CDH13: variants seen among roughly 807,000 people sequenced by gnomAD.
CDH13 encodes the protein cadherin 13, also known as cadherin-13.
A neutral mutation model predicts 63.8 loss-of-function variants in CDH13; 24 were observed. That is an observed-to-expected ratio of 0.38 (90% CI 0.27 to 0.53). The LOEUF (loss-of-function observed/expected upper bound fraction) is 0.53, where lower values mean the gene tolerates loss of function less well. CDH13 is among the 20% of genes least tolerant of loss of function. CDH13 has a pLI of 0.85. For synonymous variants in CDH13, 503 were observed against 355.3 expected (o/e 1.42, Z -4.67); for missense variants, 1,049 against 903.1 (o/e 1.16, Z -2.07).
chr16:83,239,341 G>A (rs1450590170), intron 5 of CDH13, among the ~76,000 whole-genome samples: 1 of 152,182 alleles, frequency 6.6e-6, no homozygotes, highest in East Asian at 1.9e-4. Context: ...GGTGCGTGAG[G>A]AGAGAGGGGA....
chr16:82,905,456 T>C (rs1358773473), intron 2 of CDH13, among the ~76,000 whole-genome samples: 1 of 147,266 alleles, frequency 6.8e-6, no homozygotes, highest in Non-Finnish European at 1.5e-5. Context: ...TGTGTGTGTG[T>C]GTGTGTGTGT....
chr16:83,505,481 C>A lies in CDH13; in HGVS notation c.960+18826C>A, dbSNP rs114734520. ...CCAAAGGGAACACATTTAGTAAACT[C>A]TGCCAAAGGAGCACAGTTCTTGTAA... is the stretch of plus-strand genomic sequence containing the variant. On this transcript the variant is annotated intron_variant, in intron 7 of 13. Transcript: ENST00000567109. 4.0e-3 allele frequency among the ~76,000 whole-genome samples: 599 copies of A among 151,074 alleles called. 4 individuals are homozygous for A. The highest frequency in any genetic ancestry group is 0.014 in the African/African-American group (577 of 41,074).
intron 8 of CDH13, among the ~76,000 whole-genome samples, chr16:83,668,781 C>T (rs1205793031): frequency 2.6e-5 from 4 of 152,182 alleles, no homozygotes; most frequent in Admixed American, 2.6e-4. Context: ...CTTCTCTGTG[C>T]AATCATCTTC....
intron 6 of CDH13, among the ~76,000 whole-genome samples, chr16:83,348,811 T>C (rs375525727): frequency 2.0e-5 from 3 of 152,326 alleles, no homozygotes; most frequent in East Asian, 1.9e-4. Flanking sequence ...TGAGACAACA[T>C]GCTTCACCCA....
intron 3 of CDH13, among the ~76,000 whole-genome samples, chr16:83,034,037 A>G (rs4387590): frequency 2.2e-4 from 34 of 152,238 alleles, no homozygotes; most frequent in African/African-American, 7.5e-4. Flanking sequence ...ACAACTGGCA[A>G]TGTGAGAGTT....
At chr16:82,669,323 C>A (rs1942950031) in intron 1 of CDH13, among the ~76,000 whole-genome samples, 1 of 152,174 alleles carries the variant, frequency 6.6e-6, no homozygotes, top group African/African-American at 2.4e-5. Context: ...ATTTAACGCC[C>A]AGGAGATTAT....
chr16:83,275,821 C>T (rs1324565467), intron 5 of CDH13, among the ~76,000 whole-genome samples: 4 of 152,140 alleles, frequency 2.6e-5, no homozygotes, highest in Non-Finnish European at 5.9e-5. Flanking sequence ...CAGTGGGTAG[C>T]GGTGCAGGGA....
chr16:83,446,419 C>G (rs2072691059), intron 6 of CDH13, among the ~76,000 whole-genome samples: 2 of 152,130 alleles, frequency 1.3e-5, no homozygotes, highest in Admixed American at 6.5e-5. Flanking sequence ...AAGGAAGTTG[C>G]TTAATGAGAT....
At chr16:83,044,657 G>A (rs1917616469) in intron 3 of CDH13, among the ~76,000 whole-genome samples, 1 of 152,118 alleles carries the variant, frequency 6.6e-6, no homozygotes, top group Admixed American at 6.5e-5. Context: ...TGCATTACCC[G>A]ATTTAAGCTC....
At chr16:83,249,567 G>C (rs1315858374) in intron 5 of CDH13, among the ~76,000 whole-genome samples, 1 of 152,174 alleles carries the variant, frequency 6.6e-6, no homozygotes, top group Non-Finnish European at 1.5e-5. Flanking sequence ...CATTCTATCT[G>C]TTTTACAGGT....
chr16:83,657,762 C>T (rs940115242), intron 8 of CDH13, among the ~76,000 whole-genome samples: 4 of 152,208 alleles, frequency 2.6e-5, no homozygotes, highest in Non-Finnish European at 4.4e-5. Flanking sequence ...TGCCATAGAA[C>T]AGCAAGAATT....
At chr16:83,343,656 T>C (rs1484814499) in intron 5 of CDH13, among the ~76,000 whole-genome samples, 5 of 152,212 alleles carry the variant, frequency 3.3e-5, no homozygotes. Context: ...TTTTTGACAA[T>C]AGTATTGATA....
intron 1 of CDH13, among the ~76,000 whole-genome samples, chr16:82,700,543 G>GTC (rs1402656682): frequency 7.1e-6 from 1 of 140,216 alleles, no homozygotes; most frequent in Non-Finnish European, 1.6e-5. Flanking sequence ...GTGTGTGTGT[G>GTC]TGTCTGTGTG....
intron 1 of CDH13, among the ~76,000 whole-genome samples, chr16:82,800,447 A>T (rs2036795144): frequency 6.6e-6 from 1 of 152,180 alleles, no homozygotes; most frequent in Non-Finnish European, 1.5e-5. Flanking sequence ...TTAACTTGGG[A>T]TCTATGGAAC....
At chr16:83,187,917 A>G (rs2038576234) in intron 4 of CDH13, among the ~76,000 whole-genome samples, 1 of 152,190 alleles carries the variant, frequency 6.6e-6, no homozygotes, top group Non-Finnish European at 1.5e-5. Context: ...GGATGAGTGC[A>G]GGGATGCATC....
At chr16:83,132,314 C>A (rs568108842) in intron 4 of CDH13, among the ~76,000 whole-genome samples, 32 of 152,032 alleles carry the variant, frequency 2.1e-4, no homozygotes, top group African/African-American at 7.0e-4. Context: ...CTAGGGTAAC[C>A]CAGTAATTGC....
intron 1 of CDH13, among the ~76,000 whole-genome samples, chr16:82,694,107 T>C (rs1418647270): frequency 1.3e-5 from 2 of 152,216 alleles, no homozygotes; most frequent in Non-Finnish European, 2.9e-5. Context: ...ACTTAGTAGG[T>C]ACTCAATAAT....
rs1247239653 is a variant in CDH13 at position 82,853,838 on chromosome 16, T to G, written c.46-4524T>G. 2.6e-5 allele frequency among the ~76,000 whole-genome samples: 4 copies of G among 152,190 alleles called. No individual in the cohort carries two copies. In the East Asian group the frequency reaches 7.7e-4, roughly 29 times the overall value. On this transcript the variant is annotated intron_variant, in intron 1 of 13. Coordinates refer to ENST00000567109, the MANE Select transcript of CDH13 (RefSeq NM_001257.5). ...CGTGGCATTAAAGATAAATTTGGAA[T>G]GATGCTCAGAGCATATATTCTAGAA...
intron 8 of CDH13, among the ~76,000 whole-genome samples, chr16:83,630,724 C>T (rs1023568826): frequency 6.6e-6 from 1 of 152,190 alleles, no homozygotes; most frequent in African/African-American, 2.4e-5. Context: ...GATGAGCGAT[C>T]AGTTTACGTT....
Sources: gnomAD v4.1 joint callset for allele counts (sites outside exome capture counted in the v4.1 genomes callset) on GRCh38, gnomAD v4.1.1 for gene constraint, MANE v1.5 for transcripts, NCBI Gene and HGNC (gene_info 2026-07-23, HGNC 2026-07-21) for gene names.